Variants in MALRD1 observed in about 807,000 individuals in gnomAD.
The protein encoded by MALRD1 is MAM and LDL receptor class A domain containing 1.
A neutral mutation model predicts 242.1 loss-of-function variants in MALRD1; 247 were observed. The observed-to-expected ratio is 1.02, with a 90% CI of 0.92 to 1.13. The LOEUF (loss-of-function observed/expected upper bound fraction) is 1.13, where lower values mean the gene tolerates loss of function less well. Ranked by LOEUF, MALRD1 falls within the 50% of genes most tolerant of loss-of-function variation. MALRD1 has a pLI of 0.00. For synonymous variants in MALRD1, 995 were observed against 866.6 expected, an observed-to-expected ratio of 1.15 and a Z score of -2.60; for missense variants, 2,989 against 2,533.1, an observed-to-expected ratio of 1.18 and a Z score of -3.86.
intron 2 of MALRD1, among the ~76,000 whole-genome samples, chr10:19,081,688 G>C (rs1203546532): frequency 6.6e-6 from 1 of 151,850 alleles, no homozygotes; most frequent in Non-Finnish European, 1.5e-5. Context: ...GTGATGGATT[G>C]ATCTGTGCAG....
chr10:19,621,274 A>C (rs1290398090), intron 36 of MALRD1, among the ~76,000 whole-genome samples: 1 of 151,026 alleles, frequency 6.6e-6, no homozygotes, highest in African/African-American at 2.4e-5. Flanking sequence ...TTTATAAAAC[A>C]TATAATTGGG....
intron 26 of MALRD1, among the ~76,000 whole-genome samples, chr10:19,378,354 A>G (rs967155968): frequency 5.9e-5 from 9 of 152,154 alleles, no homozygotes; most frequent in African/African-American, 2.2e-4. Flanking sequence ...GGTTGAATGA[A>G]TATGTTGTCA....
chr10:19,530,418 A>ATTTAC (rs1200557957), intron 31 of MALRD1, among the ~76,000 whole-genome samples: 1 of 83,770 alleles, frequency 1.2e-5, no homozygotes, highest in Admixed American at 1.6e-4. Flanking sequence ...TTTATATAAT[A>ATTTAC]ATAAATATAT....
intron 13 of MALRD1, among the ~76,000 whole-genome samples, chr10:19,173,115 T>C (rs1046165184): frequency 1.3e-5 from 2 of 152,132 alleles, no homozygotes; most frequent in African/African-American, 2.4e-5. Context: ...TATCTTTAGA[T>C]ACCAGTTTAT....
chr10:19,238,481 C>CAATGTAT (rs1677549231), intron 18 of MALRD1, among the ~76,000 whole-genome samples: 2 of 16,174 alleles, frequency 1.2e-4, no homozygotes, highest in African/African-American at 4.6e-4. Context: ...ATATAATATA[C>CAATGTAT]ATTATATATA....
intron 29 of MALRD1, among the ~76,000 whole-genome samples, chr10:19,451,349 A>C (rs1266251910): frequency 6.6e-6 from 1 of 152,112 alleles, no homozygotes; most frequent in East Asian, 1.9e-4. Context: ...GTGAACAGTA[A>C]CTTGAAAAAA....
At chr10:19,402,180 G>A (rs749086135) in intron 28 of MALRD1, among the ~76,000 whole-genome samples, 2 of 152,082 alleles carry the variant, frequency 1.3e-5, no homozygotes, top group Non-Finnish European at 1.5e-5. Flanking sequence ...GAAGGCCATC[G>A]TTCTTTATCT....
intron 14 of MALRD1, among the ~76,000 whole-genome samples, chr10:19,180,638 A>T (rs1244034020): frequency 2.0e-5 from 3 of 152,202 alleles, no homozygotes; most frequent in Non-Finnish European, 4.4e-5. Context: ...CATAGGGGAA[A>T]AACTCCTTGA....
At chr10:19,373,367 G>C (rs570232593) in intron 26 of MALRD1, among the ~76,000 whole-genome samples, 1 of 151,730 alleles carries the variant, frequency 6.6e-6, no homozygotes, top group African/African-American at 2.4e-5. Flanking sequence ...ACAAAAAAAT[G>C]TAGCCAGATG....
intron 36 of MALRD1, among the ~76,000 whole-genome samples, chr10:19,650,943 G>C (rs78367221): frequency 1.3e-5 from 2 of 152,132 alleles, no homozygotes; most frequent in South Asian, 2.1e-4. Flanking sequence ...CTGCAAATTA[G>C]AGAATGCATC....
chr10:19,216,827 T>G (rs1837337401), intron 18 of MALRD1, among the ~76,000 whole-genome samples: 1 of 151,744 alleles, frequency 6.6e-6, no homozygotes, highest in East Asian at 2.0e-4. Context: ...GTGCCTGTAG[T>G]CCCAGCTACT....
chr10:19,626,624 A>G (rs1327744769), intron 36 of MALRD1, among the ~76,000 whole-genome samples: 1 of 152,040 alleles, frequency 6.6e-6, no homozygotes, highest in Non-Finnish European at 1.5e-5. Flanking sequence ...AGCAATTATT[A>G]TAATATATAG....
chr10:19,077,676 T>C (rs1835358755), intron 2 of MALRD1, among the ~76,000 whole-genome samples: 1 of 151,908 alleles, frequency 6.6e-6, no homozygotes, highest in Admixed American at 6.6e-5. Context: ...ACACTAAATA[T>C]AGTATACTTA....
intron 28 of MALRD1, among the ~76,000 whole-genome samples, chr10:19,449,150 G>A (rs942696918): frequency 1.3e-5 from 2 of 152,028 alleles, no homozygotes; most frequent in Non-Finnish European, 2.9e-5. Context: ...TTACTGAGTA[G>A]GGCAATTTGT....
chr10:19,120,434 C>T (rs544565952), intron 5 of MALRD1, among the ~76,000 whole-genome samples: 5 of 151,986 alleles, frequency 3.3e-5, no homozygotes, highest in Admixed American at 6.5e-5. Flanking sequence ...GTAAAGGTGA[C>T]GAAAAAACAA....
intron 19 of MALRD1, among the ~76,000 whole-genome samples, chr10:19,258,582 TC>T (rs1372022412): frequency 1.3e-5 from 2 of 152,242 alleles, no homozygotes; most frequent in African/African-American, 4.8e-5. Context: ...GCCTCACTGG[TC>T]TGCGGAGCAC....
chr10:19,161,009 A>C (rs190423021), intron 12 of MALRD1, among the ~76,000 whole-genome samples: 8,807 of 151,738 alleles, frequency 0.058, 331 homozygotes, highest in Middle Eastern at 0.11. Flanking sequence ...CTGGGTATAT[A>C]CCCAAATGAG....
intron 31 of MALRD1, among the ~76,000 whole-genome samples, chr10:19,498,965 T>G (rs553054248): frequency 1.1e-4 from 17 of 152,268 alleles, no homozygotes; most frequent in African/African-American, 4.1e-4. Flanking sequence ...ATGATTGCAA[T>G]ATGCAAAGAT....
Position 19,103,975 on chromosome 10 carries a change from G to T in MALRD1, c.598-4G>T. On this transcript the variant is annotated splice_region_variant and splice_polypyrimidine_tract_variant and intron_variant, in intron 4 of 39. Coordinates refer to ENST00000454679, the MANE Select transcript of MALRD1 (RefSeq NM_001142308.3). Reference sequence around the variant, plus strand: ...TTTTGTTTTGTTTTGTTTTTCTGGTGCAGGTTGTTTTTGAAGGTCAAATGG... The same window carrying T: ...TTTTGTTTTGTTTTGTTTTTCTGGTTCAGGTTGTTTTTGAAGGTCAAATGG... 8.1e-7 allele frequency: 1 copy of T among 1,231,940 alleles called. No individual in the cohort carries two copies. The highest frequency in any genetic ancestry group is 1.0e-6 in the Non-Finnish European group (1 of 986,416). The allele number at this position is 1,231,940 out of a possible 1,614,324, so 76.3% of individuals were successfully genotyped here. A position where few individuals can be genotyped will look rare whatever the true frequency, so the allele number is the denominator to read the frequency against.
Sources: allele counts gnomAD v4.1 joint callset (sites outside exome capture counted in the v4.1 genomes callset), GRCh38; gene constraint gnomAD v4.1.1; transcripts MANE v1.5; gene names NCBI Gene and HGNC (gene_info 2026-07-23, HGNC 2026-07-21).